Variants in ITPR2 observed in about 807,000 individuals in gnomAD.
The protein encoded by ITPR2 is inositol 1,4,5-trisphosphate-gated calcium channel ITPR2.
ITPR2 carries 207 observed loss-of-function variants against 317.1 expected under a neutral mutation model. The ratio of observed to expected loss-of-function variants is 0.65; its 90% CI spans 0.58 to 0.73. ITPR2 has a LOEUF of 0.73. Among genes scored for constraint, ITPR2 ranks in the 30% least tolerant of loss-of-function variants. The pLI is 0.00. For missense variants in ITPR2, 2,613 were observed against 3,284.0 expected (o/e 0.80, Z 4.99); for synonymous variants, 1,156 against 1,149.1 (o/e 1.01, Z -0.12).
intron 1 of ITPR2, among the ~76,000 whole-genome samples, chr12:26,795,276 T>A (rs941349423): frequency 6.6e-6 from 1 of 152,204 alleles, no homozygotes; most frequent in African/African-American, 2.4e-5. Flanking sequence ...TAATACCACA[T>A]GAATTAAAGC....
intron 37 of ITPR2, among the ~76,000 whole-genome samples, chr12:26,527,407 A>C (rs1302330794): frequency 6.6e-6 from 1 of 152,198 alleles, no homozygotes; most frequent in Non-Finnish European, 1.5e-5. Context: ...AAAATTCTAC[A>C]AACATTACAC....
intron 38 of ITPR2, among the ~76,000 whole-genome samples, chr12:26,494,771 G>GA (rs71069245): frequency 0.21 from 10,322 of 49,980 alleles, 2,244 homozygotes; most frequent in Non-Finnish European, 0.25. Context: ...CTCTGCCTCA[G>GA]AAAAAAAAAA....
intron 2 of ITPR2, among the ~76,000 whole-genome samples, chr12:26,729,844 A>C (rs1217122546): frequency 6.6e-6 from 1 of 152,144 alleles, no homozygotes; most frequent in South Asian, 2.1e-4. Context: ...ATCAAGAAAA[A>C]TAACTAATGA....
Position 26,335,913 on chromosome 12 carries a change from T to C in ITPR2, c.*3484A>G, listed in dbSNP as rs1937900840. On this transcript the variant is annotated 3_prime_UTR_variant, in exon 57 of 57. Transcript: ENST00000381340. Reference sequence around the variant, plus strand: ...ATCACAGCATATTGGAATGGGTCTGTAGGTAGGAATAGCTGATTTGTTATT... The same window carrying C: ...ATCACAGCATATTGGAATGGGTCTGCAGGTAGGAATAGCTGATTTGTTATT... 1 of 152,160 alleles carries C rather than the reference T, an allele frequency of 6.6e-6. No homozygotes were observed. The highest frequency in any genetic ancestry group is 1.5e-5 in the Non-Finnish European group (1 of 68,048). 9.4% of individuals were successfully genotyped at this position (152,160 alleles called of 1,614,324 possible).
Position 26,575,589 on chromosome 12 carries a change from G to A in ITPR2, c.4630+3124C>T, listed in dbSNP as rs748642369. Among the ~76,000 whole-genome samples, 12 of 152,102 alleles carry A rather than the reference G, an allele frequency of 7.9e-5. No individual in the cohort carries two copies. In the East Asian group the frequency reaches 1.4e-3, roughly 17 times the overall value. ...TTCACCTATCTTGATTATACCCTTC[G>A]ATATAATTATTTTTTAGACTTATCA... On this transcript the variant is annotated intron_variant, in intron 34 of 56. Coordinates refer to ENST00000381340, the MANE Select transcript of ITPR2 (RefSeq NM_002223.4).
At chr12:26,665,832 GATAA>G in intron 14 of ITPR2, 74 bp downstream of exon 14, 1 of 1,257,198 alleles carries the variant, frequency 8.0e-7, no homozygotes, top group Non-Finnish European at 1.1e-6. Context: ...CATAGTAATA[GATAA>G]CTAATACAAG....
At chr12:26,494,651 T>A (rs1415928230) in intron 38 of ITPR2, among the ~76,000 whole-genome samples, 1 of 151,106 alleles carries the variant, frequency 6.6e-6, no homozygotes, top group Non-Finnish European at 1.5e-5. Flanking sequence ...ATGACTGTAA[T>A]CACAGCTACT....
At chr12:26,499,829 T>C (rs1407530544) in intron 37 of ITPR2, among the ~76,000 whole-genome samples, 3 of 152,244 alleles carry the variant, frequency 2.0e-5, no homozygotes, top group African/African-American at 7.2e-5. Context: ...TAGAATTATA[T>C]ACTTATTAGC....
chr12:26,463,215 A>G (rs1451564175), intron 45 of ITPR2, among the ~76,000 whole-genome samples: 1 of 152,242 alleles, frequency 6.6e-6, no homozygotes, highest in Non-Finnish European at 1.5e-5. Context: ...GAGTAACAGT[A>G]CAATCATTAA....
At chr12:26,456,691 A>G in intron 45 of ITPR2, among the ~76,000 whole-genome samples, 1 of 151,942 alleles carries the variant, frequency 6.6e-6, no homozygotes, top group East Asian at 1.9e-4. Context: ...TTTTTCTTTT[A>G]AGACAGAGTC....
chr12:26,497,358 G>C (rs1442653671), intron 37 of ITPR2, among the ~76,000 whole-genome samples: 1 of 151,972 alleles, frequency 6.6e-6, no homozygotes, highest in Non-Finnish European at 1.5e-5. Context: ...GTTTCACCGT[G>C]TTGGCCAGGA....
At position 26,528,941 on chromosome 12, in the gene ITPR2, CTT is replaced by C. The variant is rs1943879511; in HGVS notation, c.5073+21304_5073+21305del. The stretch of plus-strand genomic sequence containing the variant: ...ATCCTTACAGACATTTTGAACTCCT[CTT>C]TGTCTTTTATTGCACATTCAGCCTC... On this transcript the variant is annotated intron_variant, in intron 37 of 56. Transcript: ENST00000381340. Among the ~76,000 whole-genome samples the C allele has an allele frequency of 2.0e-5, 3 of 152,290 alleles. No homozygotes were observed. In the South Asian group the frequency reaches 6.2e-4, roughly 32 times the overall value.
At chr12:26,651,398 T>C (rs947835612) in intron 21 of ITPR2, among the ~76,000 whole-genome samples, 6 of 152,236 alleles carry the variant, frequency 3.9e-5, no homozygotes, top group African/African-American at 1.4e-4. Flanking sequence ...TTAATCTGTA[T>C]TGGTAAAAAA....
chr12:26,523,857 T>G (rs972126184), intron 37 of ITPR2, among the ~76,000 whole-genome samples: 2 of 152,252 alleles, frequency 1.3e-5, no homozygotes, highest in Non-Finnish European at 2.9e-5. Flanking sequence ...GTGTCTCCAG[T>G]GGAGCACAGT....
At chr12:26,643,199 C>T (rs2136867333) in intron 21 of ITPR2, among the ~76,000 whole-genome samples, 1 of 152,308 alleles carries the variant, frequency 6.6e-6, no homozygotes, top group Middle Eastern at 3.4e-3. Context: ...TCCTGGACTT[C>T]CCAGCCTCCA....
At chr12:26,813,051 C>CTT (rs1228386016) in intron 1 of ITPR2, among the ~76,000 whole-genome samples, 14 of 152,126 alleles carry the variant, frequency 9.2e-5, no homozygotes, top group Non-Finnish European at 1.9e-4. Flanking sequence ...AAAAAGCTTA[C>CTT]TTTGACTTTT....
chr12:26,435,367 T>C (rs1362447579), intron 48 of ITPR2, among the ~76,000 whole-genome samples: 1 of 152,198 alleles, frequency 6.6e-6, no homozygotes, highest in Non-Finnish European at 1.5e-5. Context: ...GCTTTACCTA[T>C]AGTATCTCAT....
intron 18 of ITPR2, 22 bp from the exon 19 acceptor site, chr12:26,656,570 A>T (rs756954188): frequency 1.2e-6 from 2 of 1,612,080 alleles, no homozygotes; most frequent in African/African-American, 2.7e-5. Flanking sequence ...TAAACATATT[A>T]CATTATTGTC....
chr12:26,813,221 T>G (rs567769435), intron 1 of ITPR2, among the ~76,000 whole-genome samples: 6 of 152,346 alleles, frequency 3.9e-5, no homozygotes, highest in African/African-American at 1.2e-4. Flanking sequence ...AGATCTAAAT[T>G]AACAATTCCT....
Sources: allele counts gnomAD v4.1 joint callset (sites outside exome capture counted in the v4.1 genomes callset), GRCh38; gene constraint gnomAD v4.1.1; transcripts MANE v1.5; gene names NCBI Gene and HGNC (gene_info 2026-07-23, HGNC 2026-07-21).